The following RNF135 variants were observed in gnomAD, a reference collection of about 807,000 sequenced individuals.
The protein encoded by RNF135 is E3 ubiquitin-protein ligase RNF135.
RNF135 carries 46 observed loss-of-function variants against 41.9 expected under a neutral mutation model. That is an observed-to-expected ratio of 1.10 (90% CI 0.87 to 1.40). The LOEUF (loss-of-function observed/expected upper bound fraction) is 1.40. Among genes scored for constraint, RNF135 ranks in the 40% most tolerant of loss-of-function variants. The pLI, the probability that RNF135 is intolerant of heterozygous loss-of-function variation, is 0.00. For missense variants in RNF135, 539 were observed against 549.8 expected, an observed-to-expected ratio of 0.98 and a Z score of 0.20; for synonymous variants, 238 against 223.8, an observed-to-expected ratio of 1.06 and a Z score of -0.57.
At chr17:30,990,816 C>A (rs963291502) in intron 3 of RNF135, among the ~76,000 whole-genome samples, 4 of 152,052 alleles carry the variant, frequency 2.6e-5, no homozygotes, top group African/African-American at 9.7e-5. Context: ...TTTTTCCTTG[C>A]TTTTGTTAGT....
At chr17:30,975,378 AT>A in intron 1 of RNF135, 1 of 757,216 alleles carries the variant, frequency 1.3e-6, no homozygotes, top group South Asian at 1.4e-5. Context: ...ACACATCTGG[AT>A]TAGAAGATGC....
At chr17:30,974,251 G>A (rs571390157) in intron 1 of RNF135, among the ~76,000 whole-genome samples, 34 of 152,140 alleles carry the variant, frequency 2.2e-4, no homozygotes, top group Admixed American at 1.4e-3. Context: ...TTATTCCATT[G>A]GTCTATATGT....
chr17:30,970,735 C>A, upstream of RNF135: 1 of 350,160 alleles, frequency 2.9e-6, no homozygotes, highest in Admixed American at 4.8e-5. Flanking sequence ...TTTAAGCCAA[C>A]GGACGAAGAC....
At chr17:30,982,328 A>G (rs1478897282) in intron 1 of RNF135, among the ~76,000 whole-genome samples, 3 of 152,222 alleles carry the variant, frequency 2.0e-5, no homozygotes, top group Non-Finnish European at 4.4e-5. Flanking sequence ...CTCTCTGGCT[A>G]GGACTGATCT....
In RNF135 at chr17:30,998,687, G is replaced by A. The variant is rs766844882; in HGVS notation, c.795G>A (p.Leu265=). ...AQWAIHPTFN[L]KSLSCSLEVS... ...GGGCCATCCATCCAACCTTTAACTT[G>A]AAGAGCCTTTCCTGCAGCCTGGAGG... The change falls in exon 5 of 5, where the codon TTG becomes TTA. Residue 265 remains leucine (L), a synonymous_variant. Transcript: ENST00000328381. The A allele has an allele frequency of 6.2e-7, 1 of 1,613,408 alleles. No individual in the cohort carries two copies. The highest frequency in any genetic ancestry group is 8.5e-7 in the Non-Finnish European group (1 of 1,179,798).
upstream of RNF135, chr17:30,970,852 G>A: frequency 3.1e-6 from 2 of 636,520 alleles, no homozygotes; most frequent in Admixed American, 3.2e-5. Flanking sequence ...CAGGGCAAGA[G>A]GCCGCCACTG....
intron 1 of RNF135, among the ~76,000 whole-genome samples, chr17:30,981,336 A>G (rs530759994): frequency 2.5e-4 from 30 of 118,970 alleles, no homozygotes; most frequent in African/African-American, 1.3e-3. Flanking sequence ...GCTCAGCATC[A>G]GAGGGAGACC....
chr17:30,988,390 A>C (rs1002582439), intron 3 of RNF135, among the ~76,000 whole-genome samples: 17 of 149,660 alleles, frequency 1.1e-4, no homozygotes, highest in Non-Finnish European at 3.0e-5. Context: ...ATCTTACTGC[A>C]GAGATTCTGA....
the RNF135 span, among the ~76,000 whole-genome samples, chr17:30,960,655 T>A: frequency 2.0e-5 from 3 of 152,048 alleles, no homozygotes; most frequent in Non-Finnish European, 2.9e-5. Flanking sequence ...CATTATAGAT[T>A]GTACTTTCAA....
chr17:30,960,343 G>T, the RNF135 span, among the ~76,000 whole-genome samples: 1 of 151,354 alleles, frequency 6.6e-6, no homozygotes, highest in African/African-American at 2.4e-5. Context: ...AGTGAACCAA[G>T]ATTGCGCCAC....
rs1319564546 is a variant in RNF135 at position 30,995,100 on chromosome 17, T to C, written c.680-2142T>C. Among the ~76,000 whole-genome samples the C allele has an allele frequency of 6.6e-5, 10 of 152,048 alleles. No homozygotes were observed. In the South Asian group the frequency reaches 1.9e-3, roughly 29 times the overall value. ...CCACCATGCTCAGCTATTTAAAGAA[T>C]TGTTTTGGCCGGGACAGTGGCTTAC... On this transcript the variant is annotated intron_variant, in intron 3 of 4. Transcript: ENST00000328381.
chr17:30,971,530 C>T (rs1482101553), intron 1 of RNF135, 85 bp downstream of exon 1: 4 of 1,390,158 alleles, frequency 2.9e-6, no homozygotes, highest in East Asian at 5.9e-5. Flanking sequence ...AACCCCTTTC[C>T]TCAGCCGTTC....
At chr17:30,986,215 C>CTT (rs111962099) in intron 2 of RNF135, among the ~76,000 whole-genome samples, 3 of 142,440 alleles carry the variant, frequency 2.1e-5, no homozygotes, top group African/African-American at 2.6e-5. Flanking sequence ...ACTTTTGATG[C>CTT]TTTTTTTTTT....
intron 1 of RNF135, among the ~76,000 whole-genome samples, chr17:30,973,946 C>G (rs1203485822): frequency 6.6e-6 from 1 of 152,074 alleles, no homozygotes; most frequent in Admixed American, 6.6e-5. Flanking sequence ...TCCTTGTCAA[C>G]AATCATTTGG....
upstream of RNF135, among the ~76,000 whole-genome samples, chr17:30,968,498 C>G (rs1371865493): frequency 1.3e-5 from 2 of 151,360 alleles, no homozygotes; most frequent in Non-Finnish European, 2.9e-5. Flanking sequence ...TCATTCTCCT[C>G]CCTCAGCCTC....
At chr17:30,979,374 C>T (rs1435068727) in intron 1 of RNF135, among the ~76,000 whole-genome samples, 3 of 130,272 alleles carry the variant, frequency 2.3e-5, no homozygotes, top group African/African-American at 8.9e-5. Context: ...GCTGTCCCCC[C>T]CACCTCCCTC....
intron 3 of RNF135, among the ~76,000 whole-genome samples, chr17:30,992,974 C>A (rs1209007594): frequency 6.6e-6 from 1 of 151,560 alleles, no homozygotes. Flanking sequence ...TCATGTTTTA[C>A]ATTTAAATCT....
At position 30,988,112 on chromosome 17, in the gene RNF135, C is replaced by G; in HGVS notation, c.679+6C>G. 6.2e-7 allele frequency: 1 copy of G among 1,613,506 alleles called. No homozygotes were observed. Among genetic ancestry groups the G allele is most frequent in the Non-Finnish European group, 8.5e-7 (1 of 1,179,608 alleles). On this transcript the variant is annotated splice_donor_region_variant and intron_variant, in intron 3 of 4. Transcript: ENST00000328381. ...TCCTGAAGCACAAATGCAGGGTGAG[C>G]TGATCTTATTTATTGGAGGAGGATT... is the stretch of plus-strand genomic sequence containing the variant.
intron 2 of RNF135, among the ~76,000 whole-genome samples, chr17:30,985,910 C>A (rs1469921693): frequency 6.6e-6 from 1 of 152,156 alleles, no homozygotes; most frequent in African/African-American, 2.4e-5. Context: ...GTGTGTCTCA[C>A]GTCTTCCCAC....
Sources: gnomAD v4.1 joint callset for allele counts (sites outside exome capture counted in the v4.1 genomes callset) on GRCh38, gnomAD v4.1.1 for gene constraint, MANE v1.5 for transcripts, NCBI Gene and HGNC (gene_info 2026-07-23, HGNC 2026-07-21) for gene names.